The following PHKB variants were observed in gnomAD, a reference collection of about 807,000 sequenced individuals.
The protein encoded by PHKB is phosphorylase b kinase regulatory subunit beta.
Under a neutral mutation model 152.1 loss-of-function variants are expected in PHKB, and 122 were observed. The observed-to-expected ratio is 0.80, with a 90% CI of 0.69 to 0.93. The LOEUF (loss-of-function observed/expected upper bound fraction) is 0.93, where lower values mean the gene tolerates loss of function less well. Among genes scored for constraint, PHKB ranks in the 40% least tolerant of loss-of-function variants. The pLI, the probability that PHKB is intolerant of heterozygous loss-of-function variation, is 0.00. For missense variants in PHKB, 1,304 were observed against 1,328.4 expected, an observed-to-expected ratio of 0.98 and a Z score of 0.29; for synonymous variants, 436 against 464.9, an observed-to-expected ratio of 0.94 and a Z score of 0.80.
intron 2 of PHKB, among the ~76,000 whole-genome samples, chr16:47,497,906 GTAT>G (rs1970260297): frequency 6.6e-6 from 1 of 152,136 alleles, no homozygotes; most frequent in South Asian, 2.1e-4. Flanking sequence ...TCACAAGTTA[GTAT>G]TATTAATATC....
intron 5 of PHKB, among the ~76,000 whole-genome samples, chr16:47,514,213 G>A (rs1304495565): frequency 2.1e-5 from 3 of 143,630 alleles, no homozygotes; most frequent in Non-Finnish European, 3.1e-5. Context: ...AGGAGAGAGG[G>A]ACAGAGGGAG....
intron 14 of PHKB, among the ~76,000 whole-genome samples, chr16:47,638,057 C>T (rs987804283): frequency 6.6e-6 from 1 of 152,122 alleles, no homozygotes; most frequent in African/African-American, 2.4e-5. Context: ...TTCCCCAGCC[C>T]CTTATCCCCT....
intron 14 of PHKB, among the ~76,000 whole-genome samples, chr16:47,628,074 A>C (rs879334725): frequency 6.6e-6 from 1 of 152,186 alleles, no homozygotes; most frequent in Admixed American, 6.5e-5. Flanking sequence ...GAGGCATAGA[A>C]TGTTTCAAAT....
At chr16:47,499,703 CAAGGA>C (rs1567280620) in intron 2 of PHKB, 48 bp from the exon 3 acceptor site, 10 of 1,607,976 alleles carry the variant, frequency 6.2e-6, no homozygotes, top group Non-Finnish European at 8.5e-6. Flanking sequence ...ACATTTAGCC[CAAGGA>C]AAGTCGCTGA....
At chr16:47,594,006 C>T in intron 11 of PHKB, 131 bp from the exon 12 acceptor site, 1 of 619,142 alleles carries the variant, frequency 1.6e-6, no homozygotes, top group Non-Finnish European at 2.9e-6. Flanking sequence ...TTTTTTTCCA[C>T]TTTAATTTTA....
chr16:47,518,279 CACACAT>C (rs1567289241), intron 6 of PHKB, among the ~76,000 whole-genome samples: 1 of 152,250 alleles, frequency 6.6e-6, no homozygotes, highest in African/African-American at 2.4e-5. Context: ...TGCACACACA[CACACAT>C]ACACATACAT....
upstream of PHKB, chr16:47,461,306 A>G (rs763900696): frequency 9.3e-6 from 14 of 1,498,350 alleles, no homozygotes; most frequent in Non-Finnish European, 1.3e-5. Context: ...GGCATTGCTG[A>G]CAGGCGGCCC....
chr16:47,662,016 G>T (rs915956968), intron 23 of PHKB, among the ~76,000 whole-genome samples: 1 of 152,166 alleles, frequency 6.6e-6, no homozygotes, highest in African/African-American at 2.4e-5. Context: ...AGTGATGCTT[G>T]ATTGTTTCTC....
At chr16:47,604,395 A>G (rs1597118295) in intron 13 of PHKB, among the ~76,000 whole-genome samples, 1 of 152,166 alleles carries the variant, frequency 6.6e-6, no homozygotes, top group Admixed American at 6.5e-5. Context: ...TAGAAAGTCC[A>G]TCCTTGTTAA....
intron 8 of PHKB, among the ~76,000 whole-genome samples, chr16:47,583,869 A>C (rs1971890797): frequency 6.6e-6 from 1 of 152,206 alleles, no homozygotes; most frequent in African/African-American, 2.4e-5. Context: ...AGCTTCTGAA[A>C]GAGGTATCCA....
intron 13 of PHKB, among the ~76,000 whole-genome samples, chr16:47,601,297 A>G (rs1226825001): frequency 2.6e-5 from 4 of 152,216 alleles, no homozygotes; most frequent in Non-Finnish European, 5.9e-5. Context: ...AAAGTTAATG[A>G]TAACATTACT....
chr16:47,547,429 T>C lies in PHKB; in HGVS notation c.595-4T>C. On this transcript the variant is annotated splice_polypyrimidine_tract_variant and splice_region_variant and intron_variant, in intron 6 of 30. Coordinates refer to ENST00000323584, the MANE Select transcript of PHKB (RefSeq NM_000293.3). ...TCCTTATGTTTCATTTCTTTTTCTT[T>C]TAGGTCTCTTTTATTCAAAACCTTG... 6.4e-7 allele frequency: 1 copy of C among 1,553,976 alleles called. No homozygotes were observed. Among genetic ancestry groups the C allele is most frequent in the East Asian group, 2.2e-5 (1 of 44,612 alleles).
chr16:47,506,054 A>G (rs1420562518), intron 4 of PHKB, among the ~76,000 whole-genome samples: 1 of 150,942 alleles, frequency 6.6e-6, no homozygotes, highest in Non-Finnish European at 1.5e-5. Flanking sequence ...AAGAAAAAAG[A>G]AAAAAGAGAA....
At chr16:47,465,304 A>G (rs1249277274) in intron 1 of PHKB, among the ~76,000 whole-genome samples, 1 of 152,218 alleles carries the variant, frequency 6.6e-6, no homozygotes, top group East Asian at 1.9e-4. Flanking sequence ...TAAGAAGGAA[A>G]GTGGTTTTAA....
chr16:47,630,527 T>C (rs1381946282), intron 14 of PHKB, among the ~76,000 whole-genome samples: 3 of 151,388 alleles, frequency 2.0e-5, no homozygotes, highest in Non-Finnish European at 4.4e-5. Flanking sequence ...TTGTAAACAA[T>C]GCTTGGAATT....
intron 14 of PHKB, among the ~76,000 whole-genome samples, chr16:47,636,930 C>G (rs536132238): frequency 1.3e-5 from 2 of 152,248 alleles, no homozygotes; most frequent in Admixed American, 1.3e-4. Flanking sequence ...GTGCTTTTTC[C>G]GGGCCCACCC....
At chr16:47,539,294 G>A (rs1354868419) in intron 6 of PHKB, among the ~76,000 whole-genome samples, 2 of 152,068 alleles carry the variant, frequency 1.3e-5, no homozygotes, top group African/African-American at 4.8e-5. Flanking sequence ...TTGGATTTCA[G>A]GATAATGAAT....
chr16:47,590,866 A>G (rs534498765), intron 10 of PHKB: 1 of 152,304 alleles, frequency 6.6e-6, no homozygotes, highest in African/African-American at 2.4e-5. Context: ...AAGCTTTTCC[A>G]GCTTTTTCCT....
chr16:47,567,744 A>G (rs1207558808), intron 7 of PHKB, among the ~76,000 whole-genome samples: 1 of 152,188 alleles, frequency 6.6e-6, no homozygotes, highest in Non-Finnish European at 1.5e-5. Flanking sequence ...GGTTTTTATC[A>G]TGAAGGGATG....
Sources: gnomAD v4.1 joint callset for allele counts (sites outside exome capture counted in the v4.1 genomes callset) on GRCh38, gnomAD v4.1.1 for gene constraint, MANE v1.5 for transcripts, NCBI Gene and HGNC (gene_info 2026-07-23, HGNC 2026-07-21) for gene names.